Variants in TINAG observed in about 807,000 individuals in gnomAD.
The protein encoded by TINAG is tubulointerstitial nephritis antigen.
In TINAG, 83 loss-of-function variants were observed where a neutral mutation model predicts 72.7. The ratio of observed to expected loss-of-function variants is 1.14; its 90% CI spans 0.96 to 1.37. TINAG has a LOEUF of 1.37. TINAG is among the 40% of genes most tolerant of loss of function. TINAG has a pLI of 0.00. For missense variants in TINAG, 685 were observed against 576.6 expected, an observed-to-expected ratio of 1.19 and a Z score of -1.93; for synonymous variants, 234 against 189.9, an observed-to-expected ratio of 1.23 and a Z score of -1.91.
intron 3 of TINAG, among the ~76,000 whole-genome samples, chr6:54,325,949 A>G (rs1784592701): frequency 1.3e-5 from 2 of 152,300 alleles, no homozygotes; most frequent in Non-Finnish European, 2.9e-5. Context: ...CTATCACATT[A>G]TAAACGATTT....
At chr6:54,363,049 G>C in intron 9 of TINAG, among the ~76,000 whole-genome samples, 1 of 151,560 alleles carries the variant, frequency 6.6e-6, no homozygotes. Context: ...AGGAAGTAAA[G>C]TCTGAGCTGG....
intron 10 of TINAG, among the ~76,000 whole-genome samples, chr6:54,383,998 A>G (rs912588455): frequency 6.6e-6 from 1 of 152,208 alleles, no homozygotes; most frequent in African/African-American, 2.4e-5. Flanking sequence ...TGTGGCACAT[A>G]TACACCATAG....
At chr6:54,381,651 T>C (rs1673592613) in intron 10 of TINAG, among the ~76,000 whole-genome samples, 1 of 152,084 alleles carries the variant, frequency 6.6e-6, no homozygotes, top group African/African-American at 2.4e-5. Context: ...ATTTTTCTCA[T>C]TAAAATAAAA....
chr6:54,347,905 T>G (rs1785164768), intron 6 of TINAG, among the ~76,000 whole-genome samples: 1 of 152,098 alleles, frequency 6.6e-6, no homozygotes, highest in Non-Finnish European at 1.5e-5. Flanking sequence ...CAGGTAAAAT[T>G]AGGCTAAACA....
At position 54,351,339 on chromosome 6, in the gene TINAG, T is replaced by C. The variant is rs756223832; in HGVS notation, c.1081-13T>C. 1.9e-6 allele frequency: 3 copies of C among 1,606,402 alleles called. No individual in the cohort carries two copies. Among genetic ancestry groups the C allele is most frequent in the East Asian group, 4.5e-5 (2 of 44,462 alleles). On this transcript the variant is annotated splice_polypyrimidine_tract_variant and intron_variant, in intron 7 of 10. Coordinates refer to ENST00000259782, the MANE Select transcript of TINAG (RefSeq NM_014464.4). ...ATAACAATGATATTGCTTATTCATATTTTTCCATCCAGGAAACTGAGATAA... is the reference window on the plus strand; with the variant it reads ...ATAACAATGATATTGCTTATTCATACTTTTCCATCCAGGAAACTGAGATAA...
intron 9 of TINAG, among the ~76,000 whole-genome samples, chr6:54,366,317 G>C (rs1293851067): frequency 6.6e-6 from 1 of 151,008 alleles, no homozygotes; most frequent in African/African-American, 2.4e-5. Flanking sequence ...TCAAAGTCTG[G>C]TTGCCTCTTA....
intron 9 of TINAG, among the ~76,000 whole-genome samples, chr6:54,372,683 T>C (rs1026957345): frequency 1.3e-5 from 2 of 149,698 alleles, no homozygotes; most frequent in African/African-American, 4.9e-5. Flanking sequence ...GAATCTAGGG[T>C]TAGGATTTTA....
At chr6:54,377,513 GAAAT>G (rs58647495) in intron 9 of TINAG, among the ~76,000 whole-genome samples, 1 of 151,096 alleles carries the variant, frequency 6.6e-6, no homozygotes, top group East Asian at 1.9e-4. Flanking sequence ...CTCGGTCTCA[GAAAT>G]AAATAAATAA....
chr6:54,336,935 A>G (rs1784878715), intron 4 of TINAG, among the ~76,000 whole-genome samples: 1 of 152,098 alleles, frequency 6.6e-6, no homozygotes, highest in African/African-American at 2.4e-5. Context: ...ATATTAAGGT[A>G]TTGGCATTAA....
intron 9 of TINAG, among the ~76,000 whole-genome samples, chr6:54,365,740 G>GA (rs1349803503): frequency 6.6e-6 from 1 of 151,484 alleles, no homozygotes; most frequent in African/African-American, 2.4e-5. Flanking sequence ...AATTTTAAAG[G>GA]AAAAACCCAT....
intron 4 of TINAG, among the ~76,000 whole-genome samples, chr6:54,339,501 A>T (rs1784947343): frequency 6.6e-6 from 1 of 152,290 alleles, no homozygotes; most frequent in East Asian, 1.9e-4. Flanking sequence ...GCTACTTTAC[A>T]TTCCACAGGG....
At chr6:54,319,534 T>G (rs1784443523) in intron 1 of TINAG, among the ~76,000 whole-genome samples, 1 of 152,146 alleles carries the variant, frequency 6.6e-6, no homozygotes, top group Non-Finnish European at 1.5e-5. Flanking sequence ...ATTAGATTCA[T>G]TAAGTAGAAT....
At chr6:54,316,684 G>T (rs1784380453) in intron 1 of TINAG, among the ~76,000 whole-genome samples, 1 of 152,138 alleles carries the variant, frequency 6.6e-6, no homozygotes, top group African/African-American at 2.4e-5. Flanking sequence ...TTCAAGAAGT[G>T]AAGTTTTGAC....
intron 1 of TINAG, among the ~76,000 whole-genome samples, chr6:54,312,258 C>A (rs963296693): frequency 6.6e-6 from 1 of 151,876 alleles, no homozygotes; most frequent in Non-Finnish European, 1.5e-5. Flanking sequence ...TGGGGTTTTT[C>A]CTTGTTTCCC....
chr6:54,357,779 T>C (rs1378929890), intron 9 of TINAG, among the ~76,000 whole-genome samples: 1 of 151,932 alleles, frequency 6.6e-6, no homozygotes, highest in Non-Finnish European at 1.5e-5. Flanking sequence ...TTCTAACAAA[T>C]TTTACTGCAT....
chr6:54,340,167 A>G (rs1236956890), intron 4 of TINAG, among the ~76,000 whole-genome samples: 2 of 152,156 alleles, frequency 1.3e-5, no homozygotes, highest in African/African-American at 4.8e-5. Flanking sequence ...AAATACTGAA[A>G]CAGGGAGACT....
intron 9 of TINAG, among the ~76,000 whole-genome samples, chr6:54,377,807 T>A (rs908274759): frequency 6.6e-6 from 1 of 152,094 alleles, no homozygotes. Context: ...ATACATATAT[T>A]AGGAAAAAAT....
At chr6:54,345,966 T>C (rs1015553685) in intron 5 of TINAG, among the ~76,000 whole-genome samples, 1 of 152,002 alleles carries the variant, frequency 6.6e-6, no homozygotes, top group Non-Finnish European at 1.5e-5. Context: ...CTAAGAAAAG[T>C]GAATGAATAG....
At chr6:54,389,689 T>C (rs1257561236) in intron 10 of TINAG, 102 bp from the exon 11 acceptor site, 1 of 1,383,026 alleles carries the variant, frequency 7.2e-7, no homozygotes, top group African/African-American at 1.5e-5. Flanking sequence ...TAGTCTATGA[T>C]AAATCAAAGG....
Sources: gnomAD v4.1 joint callset for allele counts (sites outside exome capture counted in the v4.1 genomes callset) on GRCh38, gnomAD v4.1.1 for gene constraint, MANE v1.5 for transcripts, NCBI Gene and HGNC (gene_info 2026-07-23, HGNC 2026-07-21) for gene names.